The following CCDC81 variants were observed in gnomAD, a reference collection of about 807,000 sequenced individuals.
CCDC81 encodes coiled-coil domain-containing protein 81.
Under a neutral mutation model 83.7 loss-of-function variants are expected in CCDC81, and 79 were observed. The ratio of observed to expected loss-of-function variants is 0.94; its 90% CI spans 0.79 to 1.14. CCDC81 has a LOEUF of 1.14. Among genes scored for constraint, CCDC81 ranks in the 50% most tolerant of loss-of-function variants. The pLI is 0.00. For missense variants in CCDC81, 791 were observed against 778.1 expected (o/e 1.02, Z -0.20); for synonymous variants, 252 against 278.1 (o/e 0.91, Z 0.93).
At chr11:86,383,291 C>A (rs890281163) in intron 1 of CCDC81, among the ~76,000 whole-genome samples, 11 of 152,180 alleles carry the variant, frequency 7.2e-5, no homozygotes, top group African/African-American at 2.7e-4. Context: ...TCATCCTTTA[C>A]TATTCTGCTA....
chr11:86,376,973 A>G (rs181115864), intron 1 of CCDC81, among the ~76,000 whole-genome samples: 1 of 152,228 alleles, frequency 6.6e-6, no homozygotes, highest in African/African-American at 2.4e-5. Context: ...AAATCTGGAA[A>G]CCACTGATCT....
At chr11:86,377,081 T>C (rs1948107843) in intron 1 of CCDC81, among the ~76,000 whole-genome samples, 1 of 152,202 alleles carries the variant, frequency 6.6e-6, no homozygotes, top group African/African-American at 2.4e-5. Flanking sequence ...CTTAGCAATA[T>C]GCATTTAATA....
chr11:86,421,796 TC>T (rs1352993384), intron 14 of CCDC81, among the ~76,000 whole-genome samples: 9 of 151,962 alleles, frequency 5.9e-5, no homozygotes, highest in Admixed American at 1.3e-4. Context: ...TGCACACCTG[TC>T]ATTCCAGCTA....
chr11:86,397,840 A>C, intron 6 of CCDC81, 98 bp downstream of exon 6: 1 of 1,378,398 alleles, frequency 7.3e-7, no homozygotes, highest in South Asian at 1.6e-5. Flanking sequence ...ATTTACAAAT[A>C]ATCACTATAT....
Position 86,387,503 on chromosome 11 carries a change from T to G in CCDC81, c.142-13T>G. ...TTCAATGAATTCTGTTTTGTTTTGT[T>G]TTTTCCTTTCAGGGGGTTCAGATTC... is the stretch of plus-strand genomic sequence containing the variant. On this transcript the variant is annotated splice_polypyrimidine_tract_variant and intron_variant, in intron 2 of 14. Coordinates refer to ENST00000445632, the MANE Select transcript of CCDC81 (RefSeq NM_001156474.2). 6.2e-7 allele frequency: 1 copy of G among 1,612,798 alleles called. No homozygotes were observed. Among genetic ancestry groups the G allele is most frequent in the Non-Finnish European group, 8.5e-7 (1 of 1,179,632 alleles).
Position 86,408,286 on chromosome 11 carries a change from G to A in CCDC81, c.1113+16G>A. 8 of 1,598,872 alleles carry A rather than the reference G, an allele frequency of 5.0e-6. No homozygotes were observed. The highest frequency in any genetic ancestry group is 6.8e-6 in the Non-Finnish European group (8 of 1,174,038). On this transcript the variant is annotated intron_variant, in intron 9 of 14. Transcript: ENST00000445632. ...CAGACACCAGGTAGTCCAACACCTC[G>A]ATTAGTCTTTAATATGGGGCAATAG...
chr11:86,396,127 G>T (rs1029149103), intron 5 of CCDC81, among the ~76,000 whole-genome samples: 5 of 152,240 alleles, frequency 3.3e-5, no homozygotes, highest in Admixed American at 2.6e-4. Context: ...CACTAAACGG[G>T]TTAAACAGAT....
rs117275381 is a variant in CCDC81, at chr11:86,394,715, A to G, written c.556-619A>G. Among the ~76,000 whole-genome samples the G allele has an allele frequency of 1.1e-3, 164 of 152,352 alleles. 2 individuals are homozygous for G. The East Asian group carries it at 0.029, about 27-fold the overall frequency. On this transcript the variant is annotated intron_variant, in intron 4 of 14. Transcript: ENST00000445632. ...TAAGTGATAGCATTCATGCAAAAATAATAATTTTATATATTATTCTACAGT... is the reference window on the plus strand; with the variant it reads ...TAAGTGATAGCATTCATGCAAAAATGATAATTTTATATATTATTCTACAGT...
At chr11:86,408,409 T>C (rs1307157264) in intron 9 of CCDC81, 139 bp downstream of exon 9, 3 of 745,496 alleles carry the variant, frequency 4.0e-6, no homozygotes, top group Admixed American at 3.4e-5. Context: ...CTCTGCTCAC[T>C]GCAGCCTTGA....
chr11:86,407,246 A>G (rs955550099), intron 7 of CCDC81, among the ~76,000 whole-genome samples: 5 of 152,184 alleles, frequency 3.3e-5, no homozygotes, highest in Admixed American at 1.3e-4. Context: ...GGACTTTTGT[A>G]TGTGTGTATT....
At chr11:86,409,750 G>C (rs1226256066) in intron 10 of CCDC81, among the ~76,000 whole-genome samples, 1 of 152,178 alleles carries the variant, frequency 6.6e-6, no homozygotes, top group Non-Finnish European at 1.5e-5. Context: ...TGCCCAGCCA[G>C]TTGTGCCATT....
intron 2 of CCDC81, among the ~76,000 whole-genome samples, chr11:86,386,872 T>C (rs752169710): frequency 3.9e-5 from 6 of 152,214 alleles, no homozygotes; most frequent in Non-Finnish European, 8.8e-5. Flanking sequence ...AGATGTGCTC[T>C]CCCCTTTAGA....
intron 3 of CCDC81, among the ~76,000 whole-genome samples, chr11:86,389,754 A>G (rs750769086): frequency 4.6e-5 from 7 of 152,332 alleles, no homozygotes; most frequent in Non-Finnish European, 8.8e-5. Flanking sequence ...AACATTTTAT[A>G]GTGGTTTTTA....
intron 1 of CCDC81, among the ~76,000 whole-genome samples, chr11:86,385,199 C>T (rs1210391941): frequency 6.6e-6 from 1 of 152,036 alleles, no homozygotes; most frequent in East Asian, 1.9e-4. Flanking sequence ...ACCAGCCTGG[C>T]CAACATGGCG....
chr11:86,377,492 A>C (rs1948113539), intron 1 of CCDC81, among the ~76,000 whole-genome samples: 1 of 152,180 alleles, frequency 6.6e-6, no homozygotes, highest in Admixed American at 6.5e-5. Flanking sequence ...GATTTTGGTC[A>C]TTCTAATAGA....
At chr11:86,377,094 C>T (rs1948107953) in intron 1 of CCDC81, among the ~76,000 whole-genome samples, 1 of 151,938 alleles carries the variant, frequency 6.6e-6, no homozygotes, top group South Asian at 2.1e-4. Flanking sequence ...ATTTAATATT[C>T]CTCCATGTCT....
intron 10 of CCDC81, among the ~76,000 whole-genome samples, chr11:86,412,145 T>C (rs2138535643): frequency 6.6e-6 from 1 of 152,360 alleles, no homozygotes; most frequent in African/African-American, 2.4e-5. Context: ...GTGATTGGCT[T>C]TCTGTGCTGT....
intron 14 of CCDC81, 23 bp from the exon 15 acceptor site, chr11:86,422,551 G>T: frequency 6.3e-7 from 1 of 1,598,426 alleles, no homozygotes; most frequent in South Asian, 1.1e-5. Flanking sequence ...CCTGCTGATC[G>T]GCATTTGCTC....
intron 3 of CCDC81, among the ~76,000 whole-genome samples, chr11:86,388,401 C>A (rs1948278262): frequency 6.6e-6 from 1 of 152,138 alleles, no homozygotes; most frequent in African/African-American, 2.4e-5. Context: ...CCTTTGGGTG[C>A]ATACTTCCTG....
Sources: allele counts gnomAD v4.1 joint callset (sites outside exome capture counted in the v4.1 genomes callset), GRCh38; gene constraint gnomAD v4.1.1; transcripts MANE v1.5; gene names NCBI Gene and HGNC (gene_info 2026-07-23, HGNC 2026-07-21).